STAM2: variants seen among roughly 807,000 people sequenced by gnomAD.
STAM2 encodes the protein signal transducing adaptor molecule 2.
A neutral mutation model predicts 65.6 loss-of-function variants in STAM2; 51 were observed. The ratio of observed to expected loss-of-function variants is 0.78; its 90% CI spans 0.62 to 0.98. STAM2 has a LOEUF of 0.98. Among genes scored for constraint, STAM2 ranks in the 50% least tolerant of loss-of-function variants. The probability of loss-of-function intolerance (pLI) is 0.00; values close to 1 mark genes in which losing one functional copy is unlikely to be tolerated. For synonymous variants in STAM2, 198 were observed against 208.4 expected (o/e 0.95, Z 0.43); for missense variants, 584 against 617.8 (o/e 0.95, Z 0.58).
chr2:152,148,638 G>C (rs1689380127), intron 2 of STAM2, among the ~76,000 whole-genome samples: 2 of 152,012 alleles, frequency 1.3e-5, no homozygotes, highest in Admixed American at 1.3e-4. Flanking sequence ...ACTCCAGCCT[G>C]GATGACAGAG....
chr2:152,164,116 C>T (rs752624638), intron 1 of STAM2, among the ~76,000 whole-genome samples: 20 of 152,192 alleles, frequency 1.3e-4, no homozygotes, highest in South Asian at 4.1e-4. Context: ...TGGGGCATTA[C>T]GGACCTACGG....
intron 1 of STAM2, among the ~76,000 whole-genome samples, chr2:152,167,862 ATTGT>A (rs1311125241): frequency 6.6e-6 from 1 of 152,112 alleles, no homozygotes; most frequent in Admixed American, 6.5e-5. Flanking sequence ...GTGAGCTGAG[ATTGT>A]ACCACTGCAC....
chr2:152,169,942 A>T (rs1160900575), intron 1 of STAM2, among the ~76,000 whole-genome samples: 1 of 151,254 alleles, frequency 6.6e-6, no homozygotes, highest in Non-Finnish European at 1.5e-5. Flanking sequence ...GGTTCAAGTG[A>T]TTCTTCTACC....
At chr2:152,147,394 A>T in intron 4 of STAM2, 86 bp from the exon 5 acceptor site, 1 of 1,270,348 alleles carries the variant, frequency 7.9e-7, no homozygotes, top group Non-Finnish European at 1.0e-6. Context: ...ATTACCATCA[A>T]AATTCTCTTT....
At chr2:152,149,651 T>C (rs1356747467) in intron 2 of STAM2, among the ~76,000 whole-genome samples, 1 of 151,994 alleles carries the variant, frequency 6.6e-6, no homozygotes, top group Non-Finnish European at 1.5e-5. Context: ...GCGCACACCA[T>C]TATGTCCAGC....
chr2:152,126,186 T>C (rs1272615074), intron 12 of STAM2, 40 bp downstream of exon 12: 2 of 1,519,874 alleles, frequency 1.3e-6, no homozygotes, highest in South Asian at 2.6e-5. Context: ...TTTTAAAAGT[T>C]GTTTATAATT....
At chr2:152,163,118 CA>C (rs1277288310) in intron 1 of STAM2, among the ~76,000 whole-genome samples, 1 of 152,188 alleles carries the variant, frequency 6.6e-6, no homozygotes, top group Non-Finnish European at 1.5e-5. Context: ...GCCAAATTAA[CA>C]TAGTTTTTCT....
At chr2:152,136,458 T>C (rs1394172995) in intron 7 of STAM2, among the ~76,000 whole-genome samples, 3 of 151,856 alleles carry the variant, frequency 2.0e-5, no homozygotes, top group Non-Finnish European at 4.4e-5. Context: ...ATAATAAAAT[T>C]AAAAAATTAA....
intron 1 of STAM2, among the ~76,000 whole-genome samples, chr2:152,165,764 T>C (rs1689771548): frequency 6.6e-6 from 1 of 152,164 alleles, no homozygotes; most frequent in Non-Finnish European, 1.5e-5. Context: ...GCTGCCGTGC[T>C]TAAAAGAGTT....
In STAM2 at chr2:152,120,123, C is replaced by A; in HGVS notation, c.*451G>T. The A allele has an allele frequency of 6.5e-6, 1 of 153,936 alleles. No individual in the cohort carries two copies. The highest frequency in any genetic ancestry group is 6.4e-5 in the Admixed American group (1 of 15,510). The allele number at this position is 153,936 out of a possible 1,614,324, so 9.5% of individuals were successfully genotyped here. ...GCTCTTATGACATTTTAGGGGGAAA[C>A]AGTGGTTTCTTTAAAATAATATTTT... On this transcript the variant is annotated 3_prime_UTR_variant, in exon 14 of 14. Coordinates refer to ENST00000263904, the MANE Select transcript of STAM2 (RefSeq NM_005843.6).
chr2:152,166,320 AGAG>A (rs1269441959), intron 1 of STAM2, among the ~76,000 whole-genome samples: 3 of 152,226 alleles, frequency 2.0e-5, no homozygotes, highest in Non-Finnish European at 4.4e-5. Flanking sequence ...CAGGGGAAGA[AGAG>A]GAGTGGTCAG....
intron 1 of STAM2, among the ~76,000 whole-genome samples, chr2:152,161,516 A>C (rs1017166691): frequency 7.1e-6 from 1 of 141,366 alleles, no homozygotes; most frequent in Non-Finnish European, 1.6e-5. Context: ...AAAAAAAAAA[A>C]CATTATATAT....
intron 1 of STAM2, among the ~76,000 whole-genome samples, chr2:152,173,878 C>G (rs1181756719): frequency 2.0e-5 from 3 of 152,150 alleles, no homozygotes; most frequent in Non-Finnish European, 4.4e-5. Flanking sequence ...TTCTTTCACC[C>G]TTAAAATGCC....
intron 9 of STAM2, 71 bp from the exon 10 acceptor site, chr2:152,133,331 C>G: frequency 6.5e-7 from 1 of 1,539,782 alleles, no homozygotes; most frequent in Non-Finnish European, 8.9e-7. Context: ...ATTACTCTTT[C>G]CAAGCATTCT....
At position 152,123,951 on chromosome 2, in the gene STAM2, A is replaced by G; in HGVS notation, c.1180-16T>C. On this transcript the variant is annotated splice_polypyrimidine_tract_variant and intron_variant, in intron 12 of 13. Transcript: ENST00000263904. ...CTGGATATGTCTATTAATCAGAAAG[A>G]AAAAGTTGATTCACTCATCTCCCAA... 1.2e-6 allele frequency: 2 copies of G among 1,606,958 alleles called. No homozygotes were observed. The highest frequency in any genetic ancestry group is 1.7e-6 in the Non-Finnish European group (2 of 1,176,574).
At chr2:152,139,915 G>C (rs906551751) in intron 7 of STAM2, among the ~76,000 whole-genome samples, 1 of 152,096 alleles carries the variant, frequency 6.6e-6, no homozygotes, top group Admixed American at 6.6e-5. Flanking sequence ...CATTTACATT[G>C]TATCAGGTAC....
intron 7 of STAM2, among the ~76,000 whole-genome samples, chr2:152,137,549 T>A (rs1292365977): frequency 6.6e-6 from 1 of 152,198 alleles, no homozygotes; most frequent in African/African-American, 2.4e-5. Flanking sequence ...TGCAGAGAAC[T>A]TCTTCTAGGC....
chr2:152,172,912 T>C (rs999686194), intron 1 of STAM2, among the ~76,000 whole-genome samples: 1 of 150,856 alleles, frequency 6.6e-6, no homozygotes, highest in Non-Finnish European at 1.5e-5. Context: ...AAGGAGAGGA[T>C]AGTGTCAACA....
rs1488242989 is a variant in STAM2, at chr2:152,117,758, A to G, written c.*2816T>C. ...CCTTTTTAAAAAAAATCCCTAAGCT[A>G]TATGTTTTTAAAACATTTAAAATTG... On this transcript the variant is annotated 3_prime_UTR_variant, in exon 14 of 14. Transcript: ENST00000263904. 2.6e-5 allele frequency: 4 copies of G among 152,176 alleles called. No individual in the cohort carries two copies. Among genetic ancestry groups the G allele is most frequent in the Non-Finnish European group, 5.9e-5 (4 of 68,006 alleles). 9.4% of individuals were successfully genotyped at this position (152,176 alleles called of 1,614,324 possible). A position where few individuals can be genotyped will look rare whatever the true frequency, so the allele number is the denominator to read the frequency against.
Sources: gnomAD v4.1 joint callset for allele counts (sites outside exome capture counted in the v4.1 genomes callset) on GRCh38, gnomAD v4.1.1 for gene constraint, MANE v1.5 for transcripts, NCBI Gene and HGNC (gene_info 2026-07-23, HGNC 2026-07-21) for gene names.